Variants in LRRC7 observed in about 807,000 individuals in gnomAD.
The protein encoded by LRRC7 is leucine rich repeat containing 7.
A neutral mutation model predicts 175.7 loss-of-function variants in LRRC7; 23 were observed. That is an observed-to-expected ratio of 0.13 (90% CI 0.09 to 0.19). The LOEUF is 0.19. Ranked by LOEUF, LRRC7 falls within the 10% of genes least tolerant of loss-of-function variation. The pLI is 1.00. For missense variants in LRRC7, 1,354 were observed against 1,904.7 expected, an observed-to-expected ratio of 0.71 and a Z score of 5.38; for synonymous variants, 685 against 680.9, an observed-to-expected ratio of 1.01 and a Z score of -0.09.
intron 1 of LRRC7, among the ~76,000 whole-genome samples, chr1:69,654,577 T>G (rs531979933): frequency 1.8e-4 from 27 of 152,258 alleles, no homozygotes; most frequent in African/African-American, 5.3e-4. Context: ...TCTATATCAG[T>G]GCACTTATGT....
chr1:69,985,813 T>C (rs919421278), intron 9 of LRRC7, among the ~76,000 whole-genome samples: 1 of 152,240 alleles, frequency 6.6e-6, no homozygotes, highest in Admixed American at 6.5e-5. Context: ...ATCAATACTT[T>C]ATTCCTTTTT....
At position 70,131,510 on chromosome 1, in the gene LRRC7, A is replaced by C. The variant is rs1281235573; in HGVS notation, c.*9623A>C. On this transcript the variant is annotated 3_prime_UTR_variant, in exon 27 of 27. Coordinates refer to ENST00000651989, the MANE Select transcript of LRRC7 (RefSeq NM_001370785.2). Reference sequence around the variant, plus strand: ...ATTGAGTGAAATATTCCGAAACATTAAATGTTTTGTCATTGACTCTTTTAC... The same window carrying C: ...ATTGAGTGAAATATTCCGAAACATTCAATGTTTTGTCATTGACTCTTTTAC... 2.0e-5 allele frequency among the ~76,000 whole-genome samples: 3 copies of C among 152,230 alleles called. No homozygotes were observed. The highest frequency in any genetic ancestry group is 7.2e-5 in the African/African-American group (3 of 41,462).
chr1:70,038,425 A>G lies in LRRC7; in HGVS notation c.2601A>G (p.Arg867=), dbSNP rs1659539780. The G allele has an allele frequency of 1.9e-6, 3 of 1,614,040 alleles. No individual in the cohort carries two copies. Among genetic ancestry groups the G allele is most frequent in the Non-Finnish European group, 1.7e-6 (2 of 1,180,022 alleles). ...VPLELEQSTH[R]HTPETEVPPS... ...TGGAACTCGAGCAGTCTACACACAG[A>G]CACACACCAGAAACAGAAGTGCCTC... is the stretch of plus-strand genomic sequence containing the variant. Residue 867 remains arginine (R), a synonymous_variant, in exon 21 of 27, where the codon AGA becomes AGG. Coordinates refer to ENST00000651989, the MANE Select transcript of LRRC7 (RefSeq NM_001370785.2).
At chr1:70,078,784 C>A (rs1006940497) in intron 24 of LRRC7, among the ~76,000 whole-genome samples, 1 of 148,748 alleles carries the variant, frequency 6.7e-6, no homozygotes, top group African/African-American at 2.5e-5. Flanking sequence ...TAATACAGTT[C>A]TACATATACG....
Position 70,143,564 on chromosome 1 carries a change from G to C in LRRC7, c.*21677G>C. On this transcript the variant is annotated 3_prime_UTR_variant, in exon 27 of 27. Coordinates refer to ENST00000651989, the MANE Select transcript of LRRC7 (RefSeq NM_001370785.2). ...AACAAGCCACAGCAGTATAGCAAAAGAGGCTTAATCTTTATAAATTGGGGC... is the reference window on the plus strand; with the variant it reads ...AACAAGCCACAGCAGTATAGCAAAACAGGCTTAATCTTTATAAATTGGGGC... 6.6e-6 allele frequency: 1 copy of C among 152,122 alleles called. No homozygotes were observed. Among genetic ancestry groups the C allele is most frequent in the East Asian group, 1.9e-4 (1 of 5,194 alleles). 9.4% of individuals were successfully genotyped at this position (152,122 alleles called of 1,614,324 possible).
intron 2 of LRRC7, among the ~76,000 whole-genome samples, chr1:69,742,151 A>C (rs1668781617): frequency 1.3e-5 from 2 of 152,108 alleles, no homozygotes; most frequent in South Asian, 4.1e-4. Context: ...AATAAAGTAC[A>C]GTGAGTACAT....
At chr1:69,984,367 T>A (rs992565914) in intron 9 of LRRC7, among the ~76,000 whole-genome samples, 19 of 152,208 alleles carry the variant, frequency 1.2e-4, no homozygotes, top group Non-Finnish European at 2.2e-4. Context: ...AGCTTGTGTG[T>A]ATGTAATAAA....
intron 2 of LRRC7, among the ~76,000 whole-genome samples, chr1:69,698,964 C>T (rs1223479944): frequency 2.0e-5 from 3 of 152,152 alleles, no homozygotes; most frequent in Admixed American, 6.5e-5. Context: ...GTCAAACTTA[C>T]TCCTATCCCT....
intron 4 of LRRC7, among the ~76,000 whole-genome samples, chr1:69,798,092 T>C (rs1676013272): frequency 1.3e-5 from 2 of 152,062 alleles, no homozygotes; most frequent in Non-Finnish European, 2.9e-5. Flanking sequence ...CAGCTAATTT[T>C]TGTATTTTTA....
intron 1 of LRRC7, among the ~76,000 whole-genome samples, chr1:69,603,422 C>G (rs1647160867): frequency 6.6e-6 from 1 of 152,120 alleles, no homozygotes; most frequent in African/African-American, 2.4e-5. Flanking sequence ...CTTAGGAAAA[C>G]AGTTTAAGTA....
At chr1:69,682,944 T>C (rs1268640961) in intron 2 of LRRC7, among the ~76,000 whole-genome samples, 4 of 152,186 alleles carry the variant, frequency 2.6e-5, no homozygotes, top group Non-Finnish European at 5.9e-5. Context: ...CTACAAACAA[T>C]GTCATTACAT....
At chr1:69,700,131 C>CA (rs1385861363) in intron 2 of LRRC7, among the ~76,000 whole-genome samples, 1 of 152,036 alleles carries the variant, frequency 6.6e-6, no homozygotes, top group East Asian at 1.9e-4. Flanking sequence ...TCTAGGGATC[C>CA]AAAAGGTGTG....
chr1:70,026,459 A>G (rs1658110417), intron 17 of LRRC7, among the ~76,000 whole-genome samples: 2 of 152,254 alleles, frequency 1.3e-5, no homozygotes, highest in South Asian at 4.1e-4. Context: ...ACCAACTTAA[A>G]CAACAGATCT....
intron 4 of LRRC7, among the ~76,000 whole-genome samples, chr1:69,808,865 G>A (rs1677458459): frequency 6.6e-6 from 1 of 151,992 alleles, no homozygotes. Flanking sequence ...GGAGAAGCAA[G>A]AGCAAGCAAA....
chr1:69,925,745 A>C (rs1424862522), intron 7 of LRRC7, among the ~76,000 whole-genome samples: 1 of 151,964 alleles, frequency 6.6e-6, no homozygotes, highest in Non-Finnish European at 1.5e-5. Flanking sequence ...CCTTGCAAAA[A>C]ACCAGCTCCT....
intron 2 of LRRC7, among the ~76,000 whole-genome samples, chr1:69,705,448 A>C (rs973233714): frequency 2.0e-5 from 3 of 152,166 alleles, no homozygotes; most frequent in Non-Finnish European, 4.4e-5. Flanking sequence ...AAAATAAAAC[A>C]TAGAGATAGG....
At chr1:69,823,555 G>C (rs753420267) in intron 4 of LRRC7, among the ~76,000 whole-genome samples, 1 of 152,116 alleles carries the variant, frequency 6.6e-6, no homozygotes. Context: ...AAAAGTGTGT[G>C]TGTGTGCGTA....
rs200827006 is a variant in LRRC7, at chr1:70,121,913, C to T, written c.*26C>T. The T allele has an allele frequency of 1.6e-5, 23 of 1,479,820 alleles. No individual in the cohort carries two copies. Among genetic ancestry groups the T allele is most frequent in the African/African-American group, 2.8e-5 (2 of 71,728 alleles). The allele number at this position is 1,479,820 out of a possible 1,614,324, so 91.7% of individuals were successfully genotyped here. The stretch of plus-strand genomic sequence containing the variant: ...ATATTTTTTATAAATAGTGAAGATA[C>T]GTCTAGCCAGACCTAATGTTCAAAA... On this transcript the variant is annotated 3_prime_UTR_variant, in exon 27 of 27. Transcript: ENST00000651989.
intron 11 of LRRC7, among the ~76,000 whole-genome samples, chr1:70,008,534 G>C (rs996614568): frequency 9.2e-5 from 14 of 152,168 alleles, no homozygotes; most frequent in Non-Finnish European, 1.8e-4. Flanking sequence ...TAAAGAAACT[G>C]CATGATCACC....
Sources: allele counts gnomAD v4.1 joint callset (sites outside exome capture counted in the v4.1 genomes callset), GRCh38; gene constraint gnomAD v4.1.1; transcripts MANE v1.5; gene names NCBI Gene and HGNC (gene_info 2026-07-23, HGNC 2026-07-21).